THSD4: variants seen among roughly 807,000 people sequenced by gnomAD.
THSD4 encodes the protein thrombospondin type-1 domain-containing protein 4.
A neutral mutation model predicts 119.0 loss-of-function variants in THSD4; 69 were observed. That is an observed-to-expected ratio of 0.58 (90% confidence interval 0.48 to 0.71). THSD4 has a LOEUF of 0.71. Ranked by LOEUF, THSD4 falls within the 30% of genes least tolerant of loss-of-function variation. THSD4 has a pLI of 0.00. For missense variants in THSD4, 1,393 were observed against 1,391.1 expected (o/e 1.00, Z -0.02); for synonymous variants, 524 against 540.4 (o/e 0.97, Z 0.42).
chr15:71,372,978 G>A (rs1270019885), intron 6 of THSD4, among the ~76,000 whole-genome samples: 4 of 152,214 alleles, frequency 2.6e-5, no homozygotes, highest in East Asian at 3.9e-4. Context: ...CAGCAATGGC[G>A]GGCGCCCCTC....
intron 8 of THSD4, among the ~76,000 whole-genome samples, chr15:71,662,466 C>G (rs1478994333): frequency 6.6e-6 from 1 of 152,124 alleles, no homozygotes; most frequent in Non-Finnish European, 1.5e-5. Context: ...GCTATGAGAT[C>G]ACATCTCCAT....
At chr15:71,403,649 C>A (rs1376994845) in intron 6 of THSD4, among the ~76,000 whole-genome samples, 1 of 152,220 alleles carries the variant, frequency 6.6e-6, no homozygotes, top group Non-Finnish European at 1.5e-5. Context: ...TTGCAGTGAG[C>A]AACCTTGAGG....
At chr15:71,202,560 T>C (rs1216973716) in intron 3 of THSD4, among the ~76,000 whole-genome samples, 1 of 152,218 alleles carries the variant, frequency 6.6e-6, no homozygotes, top group Non-Finnish European at 1.5e-5. Flanking sequence ...TAAACATTCC[T>C]CAGAATGTGA....
intron 6 of THSD4, among the ~76,000 whole-genome samples, chr15:71,408,529 G>A (rs925840220): frequency 1.3e-5 from 2 of 152,030 alleles, no homozygotes; most frequent in South Asian, 2.1e-4. Context: ...CACTGTGCCC[G>A]GCCCAAATGC....
rs112283053 is a variant in THSD4, at chr15:71,295,499, C to T, written c.1015+38784C>T. ...TTAATTTCATCAGGTCATCTCCTAG[C>T]GTTCCATTTCCTTTTGTGGAGACAC... On this transcript the variant is annotated intron_variant, in intron 6 of 17. Coordinates refer to ENST00000261862, the MANE Select transcript of THSD4 (RefSeq NM_024817.3). 9.7e-3 allele frequency among the ~76,000 whole-genome samples: 1,472 copies of T among 152,286 alleles called. 8 individuals are homozygous for T. Among genetic ancestry groups the T allele is most frequent in the Middle Eastern group, 0.017 (5 of 294 alleles).
chr15:71,561,920 A>T (rs2049127492), intron 7 of THSD4, among the ~76,000 whole-genome samples: 1 of 27,582 alleles, frequency 3.6e-5, no homozygotes. Context: ...ACACACACAC[A>T]AACACTCACT....
Position 71,777,244 on chromosome 15 carries a change from A to G in THSD4, c.2927A>G (p.Lys976Arg), listed in dbSNP as rs1410076246. 3.1e-6 allele frequency: 5 copies of G among 1,614,102 alleles called. No individual in the cohort carries two copies. In the African/African-American group the frequency reaches 5.3e-5, roughly 17 times the overall value. ...DCVPEVDENC[K>R]DKYYNCNVVV... Reference sequence around the variant, plus strand: ...TCTTTCGCTACAGATGAAAACTGCAAGGACAAGTACTACAACTGCAACGTG... The same window carrying G: ...TCTTTCGCTACAGATGAAAACTGCAGGGACAAGTACTACAACTGCAACGTG... The change falls in exon 18 of 18, where the codon AAG becomes AGG. Residue 976 changes from lysine (K) to arginine (R), a missense_variant. Lys to Arg is a conservative substitution (Grantham distance 26). Transcript: ENST00000261862.
chr15:71,378,374 G>A (rs142608178), intron 6 of THSD4, among the ~76,000 whole-genome samples: 16 of 152,328 alleles, frequency 1.1e-4, no homozygotes, highest in Non-Finnish European at 2.2e-4. Context: ...GCTTTTGTGA[G>A]TAGATGGCTA....
chr15:71,748,463 A>T lies in THSD4; in HGVS notation c.2284A>T (p.Lys762Ter), dbSNP rs1333960420. Residue 762 changes from lysine (K) to a stop codon, truncating the protein, a stop_gained, in exon 14 of 18, where the codon AAG becomes TAG. Transcript: ENST00000261862. LOFTEE classifies it high-confidence loss of function. ...CGVGQRTRDV[K>*]CVSNIGDVVD... Reference sequence around the variant, plus strand: ...CGTGGGACAGAGGACCCGTGATGTGAAGTGTGTGAGCAACATTGGGGATGT... The same window carrying T: ...CGTGGGACAGAGGACCCGTGATGTGTAGTGTGTGAGCAACATTGGGGATGT... 1 of 1,614,166 alleles carries T rather than the reference A, an allele frequency of 6.2e-7. No individual in the cohort carries two copies. Among genetic ancestry groups the T allele is most frequent in the East Asian group, 2.2e-5 (1 of 44,884 alleles).
chr15:71,756,479 C>A (rs1483439), intron 14 of THSD4, among the ~76,000 whole-genome samples: 148,231 of 152,226 alleles, frequency 0.97, 72,189 homozygotes, highest in South Asian at 1. Flanking sequence ...AAGGACGCCC[C>A]AAAAATGTTT....
intron 8 of THSD4, among the ~76,000 whole-genome samples, chr15:71,707,734 C>CCTA (rs1346814798): frequency 6.6e-6 from 1 of 152,118 alleles, no homozygotes; most frequent in Non-Finnish European, 1.5e-5. Context: ...ATCATAGGCT[C>CCTA]CTAAGAATTC....
intron 1 of THSD4, among the ~76,000 whole-genome samples, chr15:71,127,403 G>A (rs747201155): frequency 6.6e-6 from 1 of 152,044 alleles, no homozygotes; most frequent in Non-Finnish European, 1.5e-5. Context: ...TTGACAAACT[G>A]ATTTCAAATC....
intron 7 of THSD4, among the ~76,000 whole-genome samples, chr15:71,586,376 C>G (rs986943318): frequency 6.6e-6 from 1 of 152,188 alleles, no homozygotes; most frequent in East Asian, 1.9e-4. Flanking sequence ...GGGCTGAAAT[C>G]AAGGCATTTA....
intron 5 of THSD4, among the ~76,000 whole-genome samples, chr15:71,249,457 TA>T (rs766488588): frequency 1.1e-4 from 16 of 151,346 alleles, no homozygotes; most frequent in Non-Finnish European, 2.1e-4. Flanking sequence ...CAAGAATTGT[TA>T]ACAGTTGTCA....
At chr15:71,550,071 C>T (rs544668760) in intron 7 of THSD4, among the ~76,000 whole-genome samples, 1 of 152,340 alleles carries the variant, frequency 6.6e-6, no homozygotes, top group Admixed American at 6.5e-5. Flanking sequence ...ACAGTGAGAT[C>T]ATGAGAATCC....
rs755752160 is a variant in THSD4 at position 71,190,670 on chromosome 15, T to G, written c.100-24365T>G. Among the ~76,000 whole-genome samples the G allele has an allele frequency of 5.9e-5, 9 of 152,174 alleles. No homozygotes were observed. The South Asian group carries it at 1.5e-3, about 25-fold the overall frequency. On this transcript the variant is annotated intron_variant, in intron 3 of 17. Coordinates refer to ENST00000261862, the MANE Select transcript of THSD4 (RefSeq NM_024817.3). The stretch of plus-strand genomic sequence containing the variant: ...AAGGCCTGTTGACACCATTTTTGTC[T>G]CAGAGGCTTCCTGACAGGAGGCTGA...
At chr15:71,346,876 T>C (rs77122239) in intron 6 of THSD4, among the ~76,000 whole-genome samples, 2 of 135,848 alleles carry the variant, frequency 1.5e-5, no homozygotes, top group Admixed American at 7.3e-5. Context: ...TTCTTTTTTT[T>C]TTTTTTTTTT....
At chr15:71,553,610 G>A (rs1169074614) in intron 7 of THSD4, among the ~76,000 whole-genome samples, 1 of 152,078 alleles carries the variant, frequency 6.6e-6, no homozygotes, top group Admixed American at 6.5e-5. Context: ...GAGCCACTGC[G>A]CCCAGCTCTT....
intron 8 of THSD4, among the ~76,000 whole-genome samples, chr15:71,679,866 A>G (rs983081101): frequency 3.3e-5 from 5 of 152,168 alleles, no homozygotes; most frequent in Non-Finnish European, 7.3e-5. Context: ...GAGGCAGGGG[A>G]AGTGACTAAT....
Sources: gnomAD v4.1 joint callset for allele counts (sites outside exome capture counted in the v4.1 genomes callset) on GRCh38, gnomAD v4.1.1 for gene constraint, MANE v1.5 for transcripts, NCBI Gene and HGNC (gene_info 2026-07-23, HGNC 2026-07-21) for gene names.